Variants in CAMKMT observed in about 807,000 individuals in gnomAD.
CAMKMT encodes the protein calmodulin-lysine N-methyltransferase, also known as CaM KMT.
CAMKMT carries 53 observed loss-of-function variants against 48.0 expected under a neutral mutation model. That is an observed-to-expected ratio of 1.10 (90% CI 0.89 to 1.39). The LOEUF (loss-of-function observed/expected upper bound fraction) is 1.39, where lower values mean the gene tolerates loss of function less well. Among genes scored for constraint, CAMKMT ranks in the 40% most tolerant of loss-of-function variants. CAMKMT has a pLI of 0.00. For missense variants in CAMKMT, 428 were observed against 402.7 expected, an observed-to-expected ratio of 1.06 and a Z score of -0.54; for synonymous variants, 165 against 152.3, an observed-to-expected ratio of 1.08 and a Z score of -0.61.
At chr2:44,403,046 T>C (rs1423197089) in intron 3 of CAMKMT, among the ~76,000 whole-genome samples, 1 of 151,940 alleles carries the variant, frequency 6.6e-6, no homozygotes, top group Non-Finnish European at 1.5e-5. Flanking sequence ...TCCTTAAGAG[T>C]TGTGTACTAC....
At chr2:44,633,172 A>G (rs1339809087) in intron 3 of CAMKMT, among the ~76,000 whole-genome samples, 1 of 152,014 alleles carries the variant, frequency 6.6e-6, no homozygotes, top group Non-Finnish European at 1.5e-5. Context: ...TGTTATTTTG[A>G]ATGTACTGTC....
At chr2:44,666,548 C>T (rs943702636) in intron 3 of CAMKMT, among the ~76,000 whole-genome samples, 14 of 151,962 alleles carry the variant, frequency 9.2e-5, no homozygotes, top group African/African-American at 3.4e-4. Flanking sequence ...ACCACGTTCT[C>T]CAGTCCAACT....
intron 3 of CAMKMT, among the ~76,000 whole-genome samples, chr2:44,643,258 G>A (rs558496347): frequency 2.0e-3 from 300 of 152,300 alleles, no homozygotes; most frequent in South Asian, 3.1e-3. Flanking sequence ...AAATTCAGGA[G>A]CACTGTGTAA....
At chr2:44,485,184 G>C (rs1669156686) in intron 3 of CAMKMT, among the ~76,000 whole-genome samples, 1 of 152,076 alleles carries the variant, frequency 6.6e-6, no homozygotes, top group Admixed American at 6.5e-5. Flanking sequence ...CCTGTTTCCT[G>C]GCAATTTCGT....
chr2:44,661,883 A>T (rs1674698204), intron 3 of CAMKMT, among the ~76,000 whole-genome samples: 1 of 152,208 alleles, frequency 6.6e-6, no homozygotes, highest in African/African-American at 2.4e-5. Context: ...GTCAACTACT[A>T]TCTCTAGTGA....
chr2:44,485,756 C>A (rs1474394280), intron 3 of CAMKMT, among the ~76,000 whole-genome samples: 1 of 152,162 alleles, frequency 6.6e-6, no homozygotes, highest in Non-Finnish European at 1.5e-5. Context: ...TGGTCCTTCT[C>A]TTACCAAAAC....
intron 1 of CAMKMT, among the ~76,000 whole-genome samples, chr2:44,368,197 T>C (rs181033055): frequency 6.6e-6 from 1 of 152,352 alleles, no homozygotes; most frequent in Admixed American, 6.5e-5. Context: ...CCTTGACTAT[T>C]CCTTCACCCC....
At chr2:44,568,672 T>C (rs1572821573) in intron 3 of CAMKMT, among the ~76,000 whole-genome samples, 1 of 151,434 alleles carries the variant, frequency 6.6e-6, no homozygotes, top group Non-Finnish European at 1.5e-5. Flanking sequence ...AGACTGTGGG[T>C]CCATGAGGGC....
chr2:44,676,159 G>A (rs1675677489), intron 3 of CAMKMT, among the ~76,000 whole-genome samples: 2 of 152,290 alleles, frequency 1.3e-5, no homozygotes, highest in South Asian at 4.1e-4. Context: ...TCCCTCTGGG[G>A]AAGCATTCTT....
At chr2:44,492,327 C>T (rs181957540) in intron 3 of CAMKMT, among the ~76,000 whole-genome samples, 1,671 of 152,040 alleles carry the variant, frequency 0.011, 14 homozygotes, top group Non-Finnish European at 0.014. Flanking sequence ...TTATCAACTT[C>T]CATAAATGTA....
intron 3 of CAMKMT, among the ~76,000 whole-genome samples, chr2:44,470,063 C>G (rs1424090746): frequency 4.0e-5 from 6 of 150,994 alleles, no homozygotes; most frequent in African/African-American, 1.5e-4. Context: ...TTCCCTTTAT[C>G]TTTTTTTTTC....
intron 3 of CAMKMT, among the ~76,000 whole-genome samples, chr2:44,427,679 T>A (rs1684365578): frequency 6.6e-6 from 1 of 151,390 alleles, no homozygotes; most frequent in Non-Finnish European, 1.5e-5. Context: ...GTATATGTAT[T>A]TTTTTTTAGC....
intron 3 of CAMKMT, among the ~76,000 whole-genome samples, chr2:44,691,237 C>T (rs897867244): frequency 1.3e-5 from 2 of 152,184 alleles, no homozygotes; most frequent in African/African-American, 4.8e-5. Flanking sequence ...TTTTTCTCAG[C>T]AGTGCTTCCG....
At chr2:44,607,767 T>A (rs1321399602) in intron 3 of CAMKMT, among the ~76,000 whole-genome samples, 1 of 152,206 alleles carries the variant, frequency 6.6e-6, no homozygotes, top group Non-Finnish European at 1.5e-5. Flanking sequence ...GAATATATTC[T>A]GATTTTTTGT....
intron 3 of CAMKMT, among the ~76,000 whole-genome samples, chr2:44,509,290 A>G (rs1359585555): frequency 1.3e-5 from 2 of 151,616 alleles, no homozygotes; most frequent in East Asian, 3.9e-4. Flanking sequence ...GACTATTACA[A>G]AAAAAAAGTT....
chr2:44,758,485 G>T (rs1438185990), intron 9 of CAMKMT, among the ~76,000 whole-genome samples: 1 of 152,166 alleles, frequency 6.6e-6, no homozygotes, highest in African/African-American at 2.4e-5. Context: ...CACCTGAAAT[G>T]CAGGCTTTCC....
intron 3 of CAMKMT, among the ~76,000 whole-genome samples, chr2:44,645,963 T>A (rs1275834377): frequency 6.6e-6 from 1 of 152,270 alleles, no homozygotes; most frequent in African/African-American, 2.4e-5. Context: ...ACTATTCTGT[T>A]ATAAAGCATT....
intron 3 of CAMKMT, among the ~76,000 whole-genome samples, chr2:44,483,383 C>T (rs914178376): frequency 3.9e-5 from 6 of 152,122 alleles, no homozygotes; most frequent in African/African-American, 1.4e-4. Flanking sequence ...AGTACCTGTT[C>T]TGAAGTTCAT....
At chr2:44,380,482 C>G (rs1680128924) in intron 2 of CAMKMT, among the ~76,000 whole-genome samples, 1 of 151,822 alleles carries the variant, frequency 6.6e-6, no homozygotes, top group Admixed American at 6.6e-5. Flanking sequence ...CAGACAGGAC[C>G]TAGGTAAATA....
Sources: gnomAD v4.1 joint callset for allele counts (sites outside exome capture counted in the v4.1 genomes callset) on GRCh38, gnomAD v4.1.1 for gene constraint, MANE v1.5 for transcripts, NCBI Gene and HGNC (gene_info 2026-07-23, HGNC 2026-07-21) for gene names.